The following ULK4 variants were observed in gnomAD, a reference collection of about 807,000 sequenced individuals.
ULK4 encodes the protein inactive serine/threonine-protein kinase ULK4.
Under a neutral mutation model 160.6 loss-of-function variants are expected in ULK4, and 133 were observed. The ratio of observed to expected loss-of-function variants is 0.83; its 90% confidence interval spans 0.72 to 0.96. ULK4 has a LOEUF of 0.96. Ranked by LOEUF, ULK4 falls within the 40% of genes least tolerant of loss-of-function variation. The pLI is 0.00. For synonymous variants in ULK4, 534 were observed against 539.8 expected, an observed-to-expected ratio of 0.99 and a Z score of 0.15; for missense variants, 1,580 against 1,499.5, an observed-to-expected ratio of 1.05 and a Z score of -0.89.
chr3:41,788,232 T>A (rs1294413212), intron 21 of ULK4, among the ~76,000 whole-genome samples: 1 of 152,210 alleles, frequency 6.6e-6, no homozygotes, highest in East Asian at 1.9e-4. Context: ...GAGTTATTCA[T>A]AATAGTTACT....
chr3:41,813,668 A>T (rs763888676), intron 19 of ULK4, among the ~76,000 whole-genome samples: 1 of 152,170 alleles, frequency 6.6e-6, no homozygotes, highest in Admixed American at 6.6e-5. Context: ...ATGTACAGTT[A>T]TATTTTCTGG....
intron 9 of ULK4, 40 bp from the exon 10 acceptor site, chr3:41,911,699 G>A (rs937181756): frequency 2.1e-6 from 3 of 1,460,228 alleles, no homozygotes; most frequent in Non-Finnish European, 1.9e-6. Flanking sequence ...ACTTACTTTG[G>A]AGTTCTCTAT....
At chr3:41,687,223 A>G (rs1014856334) in intron 27 of ULK4, among the ~76,000 whole-genome samples, 1 of 152,022 alleles carries the variant, frequency 6.6e-6, no homozygotes, top group African/African-American at 2.4e-5. Flanking sequence ...AAATACAAAA[A>G]TTAGCTGGGT....
In ULK4 at chr3:41,856,564, C is replaced by CATATATATGTATGT. The variant is rs1553675293; in HGVS notation, c.1657-20594_1657-20593insACATACATATATAT. 3.9e-3 allele frequency among the ~76,000 whole-genome samples: 266 copies of CATATATATGTATGT among 68,844 alleles called. 1 individual carries two copies. Among genetic ancestry groups the CATATATATGTATGT allele is most frequent in the Non-Finnish European group, 5.0e-3 (196 of 39,030 alleles). The allele number at this position is 68,844 out of a possible 152,430, so 45.2% of individuals were successfully genotyped here. ...ATATATATATGTGTATATATATACA[C>CATATATATGTATGT]ATATATATATGTGTATATATATACA... On this transcript the variant is annotated intron_variant, in intron 17 of 36. Coordinates refer to ENST00000301831, the MANE Select transcript of ULK4 (RefSeq NM_017886.4).
chr3:41,883,339 T>C (rs1697590674), intron 17 of ULK4, among the ~76,000 whole-genome samples: 1 of 152,240 alleles, frequency 6.6e-6, no homozygotes. Flanking sequence ...TTTTACTTCC[T>C]TCAGGAGCTC....
chr3:41,582,925 C>T (rs1048127651), intron 31 of ULK4, among the ~76,000 whole-genome samples: 1 of 152,208 alleles, frequency 6.6e-6, no homozygotes, highest in Non-Finnish European at 1.5e-5. Context: ...TAGAAACATT[C>T]ATCAATAAGT....
chr3:41,881,979 A>T (rs1055852700), intron 17 of ULK4, among the ~76,000 whole-genome samples: 1 of 151,940 alleles, frequency 6.6e-6, no homozygotes, highest in African/African-American at 2.4e-5. Flanking sequence ...CAAACTCTCC[A>T]AGTGGGAGTA....
chr3:41,514,892 C>T (rs1487390521), intron 32 of ULK4, among the ~76,000 whole-genome samples: 1 of 151,966 alleles, frequency 6.6e-6, no homozygotes, highest in African/African-American at 2.4e-5. Context: ...GCATGTTTAC[C>T]CCCAAAATTT....
intron 35 of ULK4, among the ~76,000 whole-genome samples, chr3:41,320,914 C>T (rs1447762355): frequency 6.6e-6 from 1 of 151,858 alleles, no homozygotes; most frequent in African/African-American, 2.4e-5. Context: ...GACACTGTCT[C>T]AAAATAATAA....
intron 25 of ULK4, 60 bp from the exon 26 acceptor site, chr3:41,705,365 G>A: frequency 7.2e-7 from 1 of 1,379,500 alleles, no homozygotes; most frequent in Non-Finnish European, 1.0e-6. Context: ...ATAAAATATA[G>A]GTAGTTTACA....
intron 11 of ULK4, among the ~76,000 whole-genome samples, chr3:41,909,490 T>A (rs1329652183): frequency 2.0e-5 from 3 of 152,064 alleles, no homozygotes; most frequent in East Asian, 3.9e-4. Context: ...GACAGGCAGA[T>A]CACCTGAGCT....
Position 41,249,506 on chromosome 3 carries a change from C to T in ULK4, c.3747G>A (p.Arg1249=). The change falls in exon 36 of 37, where the codon CGG becomes CGA. Residue 1249 remains arginine (R), a synonymous_variant. Coordinates refer to ENST00000301831, the MANE Select transcript of ULK4 (RefSeq NM_017886.4). ...NAGSLLRALE[R]LAPGSGSFAD... is the part of the protein sequence containing the mutation. The stretch of plus-strand genomic sequence containing the variant: ...CCACTTACCCACTCCCAGGGGCCAG[C>T]CGCTCCAGAGCCCGCAGGAGGCTGC... 6.2e-7 allele frequency: 1 copy of T among 1,613,904 alleles called. No individual in the cohort carries two copies. Among genetic ancestry groups the T allele is most frequent in the African/African-American group, 1.3e-5 (1 of 75,066 alleles).
At chr3:41,871,671 GC>G (rs1697097828) in intron 17 of ULK4, among the ~76,000 whole-genome samples, 1 of 152,046 alleles carries the variant, frequency 6.6e-6, no homozygotes, top group Admixed American at 6.6e-5. Context: ...CATGTCTTTT[GC>G]CCATTTTCTA....
intron 27 of ULK4, among the ~76,000 whole-genome samples, chr3:41,700,993 T>C (rs534485198): frequency 1.8e-4 from 28 of 151,550 alleles, no homozygotes; most frequent in Admixed American, 5.3e-4. Flanking sequence ...AGAAGGGGCA[T>C]AGTAGAAGAC....
chr3:41,957,513 A>G (rs1468716029), intron 1 of ULK4, among the ~76,000 whole-genome samples: 1 of 151,796 alleles, frequency 6.6e-6, no homozygotes, highest in African/African-American at 2.4e-5. Context: ...ATGTTAGACT[A>G]TATTAAACTT....
chr3:41,272,619 T>C (rs2079158098), intron 35 of ULK4, among the ~76,000 whole-genome samples: 1 of 152,100 alleles, frequency 6.6e-6, no homozygotes, highest in South Asian at 2.1e-4. Flanking sequence ...TTGAGGTTCA[T>C]TGAGTATATT....
At chr3:41,278,500 T>C (rs1450338693) in intron 35 of ULK4, among the ~76,000 whole-genome samples, 13 of 152,106 alleles carry the variant, frequency 8.5e-5, no homozygotes, top group African/African-American at 2.9e-4. Context: ...CTCAAGTGGG[T>C]CGCTGACCCC....
chr3:41,574,370 A>C (rs2088108562), intron 31 of ULK4, among the ~76,000 whole-genome samples: 1 of 151,794 alleles, frequency 6.6e-6, no homozygotes, highest in Non-Finnish European at 1.5e-5. Flanking sequence ...AGTCAGCCAC[A>C]AAGTACCCTC....
intron 16 of ULK4, among the ~76,000 whole-genome samples, chr3:41,891,613 A>G (rs1203350586): frequency 6.6e-6 from 1 of 152,156 alleles, no homozygotes; most frequent in Non-Finnish European, 1.5e-5. Flanking sequence ...AAAACAAACA[A>G]AAAATACTAA....
Sources: gnomAD v4.1 joint callset for allele counts (sites outside exome capture counted in the v4.1 genomes callset) on GRCh38, gnomAD v4.1.1 for gene constraint, MANE v1.5 for transcripts, NCBI Gene and HGNC (gene_info 2026-07-23, HGNC 2026-07-21) for gene names.